NPHP3: variants seen among roughly 807,000 people sequenced by gnomAD.
NPHP3 encodes the protein nephrocystin 3, also known as nephrocystin-3.
In NPHP3, 123 loss-of-function variants were observed where a neutral mutation model predicts 171.9. The observed-to-expected ratio is 0.72, with a 90% CI of 0.62 to 0.83. NPHP3 has a LOEUF of 0.83. NPHP3 is among the 40% of genes least tolerant of loss of function. The pLI, the probability that NPHP3 is intolerant of heterozygous loss-of-function variation, is 0.00. For missense variants in NPHP3, 1,506 were observed against 1,591.9 expected (o/e 0.95, Z 0.92); for synonymous variants, 558 against 579.2 (o/e 0.96, Z 0.52).
Position 132,686,304 on chromosome 3 carries a change from G to A in NPHP3, c.3285C>T (p.Thr1095=). The change falls in exon 23 of 27, where the codon ACC becomes ACT. Residue 1095 remains threonine, a synonymous_variant. Transcript: ENST00000337331. ...LGKDTPDNAR[T]LNELGVLYYL... ...AGTAGAGAACACCCAGTTCATTGAG[G>A]GTCCGAGCATTATCAGGTGTGTCCT... The A allele has an allele frequency of 6.2e-7, 1 of 1,613,796 alleles. No homozygotes were observed. The highest frequency in any genetic ancestry group is 8.5e-7 in the Non-Finnish European group (1 of 1,179,756).
At position 132,681,699 on chromosome 3, in the gene NPHP3, C is replaced by T. The variant is rs1016681878; in HGVS notation, c.*211G>A. 1.2e-5 allele frequency: 7 copies of T among 568,392 alleles called. No individual in the cohort carries two copies. In the African/African-American group the frequency reaches 1.3e-4, roughly 11 times the overall value. 35.2% of individuals were successfully genotyped at this position (568,392 alleles called of 1,614,324 possible). Reference sequence around the variant, plus strand: ...TCTAATGTGTCTACATCCTTGGATACCATATAATAGGAAAATTCTTTTAAA... The same window carrying T: ...TCTAATGTGTCTACATCCTTGGATATCATATAATAGGAAAATTCTTTTAAA... On this transcript the variant is annotated 3_prime_UTR_variant, in exon 27 of 27. Transcript: ENST00000337331.
At chr3:132,699,244 T>A (rs1345683180) in intron 13 of NPHP3, 109 bp downstream of exon 13, 1 of 749,612 alleles carries the variant, frequency 1.3e-6, no homozygotes, top group Non-Finnish European at 2.3e-6. Context: ...CCATCCTCAC[T>A]GCAAGTTACA....
chr3:132,711,453 A>C (rs1468924963), intron 6 of NPHP3, among the ~76,000 whole-genome samples: 43 of 152,234 alleles, frequency 2.8e-4, no homozygotes, highest in Non-Finnish European at 1.5e-5. Context: ...AAAGTAATAA[A>C]ATATGAAATA....
chr3:132,684,785 G>T lies in NPHP3; in HGVS notation c.3339C>A (p.Asp1113Glu), dbSNP rs768124745. The change falls in exon 24 of 27, where the codon GAC (aspartate) becomes GAA (glutamate). Residue 1113 changes from aspartate (D) to glutamate (E), a missense_variant. Physicochemically the swap from Asp to Glu is conservative, Grantham distance 45. This residue lies in a region of NPHP3 where 569 missense variants were observed against 648.1 expected (regional missense o/e 0.88). Coordinates refer to ENST00000337331, the MANE Select transcript of NPHP3 (RefSeq NM_153240.5). ...TTTCTAAGGAACGCTTCAGAAACTG[G>T]TCAGCTGTTCTGTGAACACAATCCC... ...YYLQNNLETA[D>E]QFLKRSLEMR... 5.2e-5 allele frequency: 84 copies of T among 1,613,092 alleles called. No homozygotes were observed. Among genetic ancestry groups the T allele is most frequent in the Non-Finnish European group, 6.3e-5 (74 of 1,179,966 alleles).
At chr3:132,708,681 G>A (rs1347921447) in intron 6 of NPHP3, among the ~76,000 whole-genome samples, 3 of 152,144 alleles carry the variant, frequency 2.0e-5, no homozygotes, top group Admixed American at 1.3e-4. Flanking sequence ...TGCGTGGGTA[G>A]GTACACAGGC....
Position 132,681,991 on chromosome 3 carries a change from T to C in NPHP3, c.3912A>G (p.Ser1304=), listed in dbSNP as rs114049311. 4 of 1,614,092 alleles carry C rather than the reference T, an allele frequency of 2.5e-6. No homozygotes were observed. The African/African-American group carries it at 5.3e-5, about 22-fold the overall frequency. The change falls in exon 27 of 27, where the codon TCA becomes TCG. Residue 1304 remains serine (S), a synonymous_variant. Coordinates refer to ENST00000337331, the MANE Select transcript of NPHP3 (RefSeq NM_153240.5). ...ACGTGTCTCCACTTGATGAATGGCG[T>C]GAAGGAGCTTTTCCACCCAAGAGTG... is the stretch of plus-strand genomic sequence containing the variant. ...ETSLLGGKAP[S]RHSSSGDTFS...
chr3:132,691,485 T>C (rs1939298199), intron 17 of NPHP3, among the ~76,000 whole-genome samples, 199 bp from the exon 18 acceptor site: 1 of 152,182 alleles, frequency 6.6e-6, no homozygotes, highest in South Asian at 2.1e-4. Context: ...CTAATATTTA[T>C]AAGCTCAAAA....
At chr3:132,719,635 A>T in intron 2 of NPHP3, 70 bp downstream of exon 2, 2 of 1,011,270 alleles carry the variant, frequency 2.0e-6, no homozygotes, top group Non-Finnish European at 2.7e-6. Flanking sequence ...CGCATTATAT[A>T]TTATATATAC....
chr3:132,681,860 T>G lies in NPHP3; in HGVS notation c.*50A>C. On this transcript the variant is annotated 3_prime_UTR_variant, in exon 27 of 27. Transcript: ENST00000337331. The stretch of plus-strand genomic sequence containing the variant: ...TTTCAAATTCAAATGTTCCAAATGT[T>G]TAATTATTTTGTCTTAAGGTACATT... The G allele has an allele frequency of 6.7e-7, 1 of 1,497,722 alleles. No homozygotes were observed. The highest frequency in any genetic ancestry group is 1.7e-4 in the Middle Eastern group (1 of 5,848). 92.8% of individuals were successfully genotyped at this position (1,497,722 alleles called of 1,614,324 possible). A position where few individuals can be genotyped will look rare whatever the true frequency, so the allele number is the denominator to read the frequency against.
intron 22 of NPHP3, 131 bp from the exon 23 acceptor site, chr3:132,686,518 C>G: frequency 1.0e-6 from 1 of 978,602 alleles, no homozygotes; most frequent in South Asian, 1.4e-5. Flanking sequence ...TTTTAAGCAT[C>G]ACACTAAATT....
At position 132,704,212 on chromosome 3, in the gene NPHP3, A is replaced by G; in HGVS notation, c.1510T>C (p.Leu504=). 2 of 1,614,036 alleles carry G rather than the reference A, an allele frequency of 1.2e-6. No homozygotes were observed. The highest frequency in any genetic ancestry group is 1.7e-6 in the Non-Finnish European group (2 of 1,179,990). Reference sequence around the variant, plus strand: ...CAAGCACTTACTTTCTCAAATCCCAACTCATGGGCTGAATTAGAAGCCTGC... The same window carrying G: ...CAAGCACTTACTTTCTCAAATCCCAGCTCATGGGCTGAATTAGAAGCCTGC... The part of the protein sequence containing the change: ...FQQASNSAHE[L]GFEKYYQRLN... Residue 504 remains leucine (L), a synonymous_variant, in exon 9 of 27, where the codon TTG becomes CTG. Transcript: ENST00000337331.
intron 4 of NPHP3, 88 bp downstream of exon 4, chr3:132,716,669 C>G (rs1940060542): frequency 1.4e-6 from 2 of 1,415,948 alleles, no homozygotes; most frequent in Non-Finnish European, 2.0e-6. Flanking sequence ...TCATGCTTTG[C>G]TAATGGTATT....
chr3:132,688,836 T>C lies in NPHP3; in HGVS notation c.2939A>G (p.Asp980Gly), dbSNP rs779177810. The change falls in exon 21 of 27, where the codon GAT (aspartate) becomes GGT (glycine). Residue 980 changes from aspartate to glycine, a missense_variant. Around this residue, in one of 3 missense-constraint regions of NPHP3, gnomAD observed 569 missense variants for 648.1 expected, o/e 0.88. Coordinates refer to ENST00000337331, the MANE Select transcript of NPHP3 (RefSeq NM_153240.5). ...LEIRETALDP[D>G]HPRVAQSLHQ... Reference sequence around the variant, plus strand: ...GAGGGACTGGGCTACTCTTGGGTGATCGGGATCTAAAGCTGTTTCTCGAAT... The same window carrying C: ...GAGGGACTGGGCTACTCTTGGGTGACCGGGATCTAAAGCTGTTTCTCGAAT... The C allele has an allele frequency of 2.5e-6, 4 of 1,614,106 alleles. No individual in the cohort carries two copies. In the Admixed American group the frequency reaches 5.0e-5, roughly 20 times the overall value.
rs753616848 is a variant in NPHP3 at position 132,722,024 on chromosome 3, GACA to G, written c.329_331del (p.Leu110del). ...CAGCTTGGCCTCGCGGCGGCCCATG[GACA>G]ACAACTCCTGGTTCTTGCTGACGCG... On this transcript the variant is annotated inframe_deletion, in exon 1 of 27. Coordinates refer to ENST00000337331, the MANE Select transcript of NPHP3 (RefSeq NM_153240.5). The G allele has an allele frequency of 4.3e-6, 7 of 1,613,106 alleles. No homozygotes were observed. The highest frequency in any genetic ancestry group is 4.5e-5 in the East Asian group (2 of 44,886).
chr3:132,701,748 C>A lies in NPHP3; in HGVS notation c.1525-215G>T, dbSNP rs542742617. On this transcript the variant is annotated intron_variant, in intron 9 of 26. Transcript: ENST00000337331. ...TAAGAATGGGCCTCAAATGGCTGGG[C>A]GCGGTGGCTCACGCCTGTAATCCCA... Among the ~76,000 whole-genome samples, 9 of 152,284 alleles carry A rather than the reference C, an allele frequency of 5.9e-5. No homozygotes were observed. The South Asian group carries it at 1.9e-3, about 32-fold the overall frequency.
rs781150040 is a variant in NPHP3 at position 132,705,752 on chromosome 3, C to G, written c.1338G>C (p.Lys446Asn). Residue 446 changes from lysine to asparagine, a missense_variant, in exon 8 of 27, where the codon AAG (lysine) becomes AAC (asparagine). By Grantham distance (94) the Lys-to-Asn change is moderately conservative (BLOSUM62 0). Around this residue, in one of 3 missense-constraint regions of NPHP3, gnomAD observed 930 missense variants for 924.9 expected, o/e 1.01. Transcript: ENST00000337331. ...AATGCATATTTACCTGTTTAATAAT[C>G]TTTTCTACACAAATATAAGTTTTAT... ...GVYKTYICVE[K>N]IIKQDILGFE... 1 of 1,417,938 alleles carries G rather than the reference C, an allele frequency of 7.1e-7. No homozygotes were observed. The highest frequency in any genetic ancestry group is 1.2e-5 in the South Asian group (1 of 86,314). The allele number at this position is 1,417,938 out of a possible 1,614,324, so 87.8% of individuals were successfully genotyped here. A position where few individuals can be genotyped will look rare whatever the true frequency, so the allele number is the denominator to read the frequency against.
In NPHP3 at chr3:132,700,368, T is replaced by C; in HGVS notation, c.1709A>G (p.Glu570Gly). The C allele has an allele frequency of 6.2e-7, 1 of 1,612,544 alleles. No individual in the cohort carries two copies. Among genetic ancestry groups the C allele is most frequent in the Non-Finnish European group, 8.5e-7 (1 of 1,178,556 alleles). The change falls in exon 11 of 27, where the codon GAG (glutamate) becomes GGG (glycine). Residue 570 changes from glutamate (E) to glycine (G), a missense_variant. Physicochemically the swap from Glu to Gly is moderately conservative, Grantham distance 98. Around this residue, in one of 3 missense-constraint regions of NPHP3, gnomAD observed 930 missense variants for 924.9 expected, o/e 1.01. Transcript: ENST00000337331. ...TAGTCGTTTAATAATCAAGGAGGAC[T>C]CTGAGCTGGTTGACATGGGCCTTCC... ...FVGRPMSTSS[E>G]SSLIIKRLTL...
At chr3:132,721,549 G>A (rs1261482621) in intron 1 of NPHP3, 3 of 316,886 alleles carry the variant, frequency 9.5e-6, no homozygotes, top group Non-Finnish European at 1.9e-5. Context: ...GGGGGTGGGC[G>A]CGGGGGCGGC....
chr3:132,716,851 T>C lies in NPHP3; in HGVS notation c.729A>G (p.Ile243Met). 6.2e-7 allele frequency: 1 copy of C among 1,614,148 alleles called. No homozygotes were observed. Among genetic ancestry groups the C allele is most frequent in the South Asian group, 1.1e-5 (1 of 91,086 alleles). ...ACTGCTGAAGCTGGATCATGCTTCC[T>C]ATGGAAGGTTCACTTCCCAAGGCTC... ...TGGALGSEPS[I>M]GSMIQLQQSF... Residue 243 changes from isoleucine to methionine, a missense_variant, in exon 4 of 27, where the codon ATA becomes ATG. Physicochemically the swap from Ile to Met is conservative, Grantham distance 10. This residue lies in a region of NPHP3 where 930 missense variants were observed against 924.9 expected (regional missense o/e 1.01). Coordinates refer to ENST00000337331, the MANE Select transcript of NPHP3 (RefSeq NM_153240.5).
Sources: gnomAD v4.1 joint callset for allele counts (sites outside exome capture counted in the v4.1 genomes callset) on GRCh38, gnomAD v4.1.1 for gene constraint, gnomAD v4.1.1 regional missense constraint, MANE v1.5 for transcripts, NCBI Gene and HGNC (gene_info 2026-07-23, HGNC 2026-07-21) for gene names.